The following C2CD5 variants were observed in gnomAD, a reference collection of about 807,000 sequenced individuals.
The protein encoded by C2CD5 is C2 domain-containing protein 5.
A neutral mutation model predicts 130.3 loss-of-function variants in C2CD5; 109 were observed. The observed-to-expected ratio is 0.84, with a 90% CI of 0.72 to 0.98. C2CD5 has a LOEUF of 0.98. C2CD5 is among the 50% of genes least tolerant of loss of function. The pLI, the probability that C2CD5 is intolerant of heterozygous loss-of-function variation, is 0.00. For missense variants in C2CD5, 996 were observed against 1,261.8 expected, an observed-to-expected ratio of 0.79 and a Z score of 3.19; for synonymous variants, 454 against 429.2, an observed-to-expected ratio of 1.06 and a Z score of -0.71.
At chr12:22,502,609 C>T (rs563882723) in intron 10 of C2CD5, 12 of 509,568 alleles carry the variant, frequency 2.4e-5, no homozygotes, top group African/African-American at 1.5e-4. Context: ...TTATTACATA[C>T]GTAGCACAGA....
chr12:22,460,511 A>C (rs558634219), intron 22 of C2CD5: 3 of 152,312 alleles, frequency 2.0e-5, no homozygotes, highest in African/African-American at 7.2e-5. Flanking sequence ...TTTGTACAGA[A>C]TGTTTCTACC....
chr12:22,484,154 G>A (rs1180417902), intron 13 of C2CD5, among the ~76,000 whole-genome samples: 1 of 152,044 alleles, frequency 6.6e-6, no homozygotes, highest in Non-Finnish European at 1.5e-5. Flanking sequence ...GAATTTCAAG[G>A]CGAAAATAAT....
At chr12:22,471,301 T>C in intron 20 of C2CD5, 98 bp downstream of exon 20, 2 of 698,114 alleles carry the variant, frequency 2.9e-6, no homozygotes, top group East Asian at 2.7e-5. Context: ...GGTAAACTAG[T>C]ATATGTTTAT....
chr12:22,486,522 C>T (rs1945544623), intron 12 of C2CD5, among the ~76,000 whole-genome samples: 1 of 152,100 alleles, frequency 6.6e-6, no homozygotes, highest in East Asian at 1.9e-4. Context: ...AATACAACTG[C>T]TGAGGACTAG....
In C2CD5 at chr12:22,482,005, G is replaced by C. The variant is rs116251921; in HGVS notation, c.1737+552C>G. ...CATTTATGATAAAGTTTAATTGTCT[G>C]TCCAATAGTGTCTCACATGTTTTGC... is the stretch of plus-strand genomic sequence containing the variant. On this transcript the variant is annotated intron_variant, in intron 14 of 26. Coordinates refer to ENST00000446597, the MANE Select transcript of C2CD5 (RefSeq NM_001286176.2). Among the ~76,000 whole-genome samples the C allele has an allele frequency of 1.9e-3, 291 of 152,012 alleles. 2 individuals carry two copies. The highest frequency in any genetic ancestry group is 6.8e-3 in the African/African-American group (281 of 41,476).
chr12:22,538,959 C>T (rs1379101166), intron 2 of C2CD5, among the ~76,000 whole-genome samples: 7 of 152,104 alleles, frequency 4.6e-5, no homozygotes, highest in Non-Finnish European at 8.8e-5. Flanking sequence ...TCCCCCTTTT[C>T]CTGCATTAAT....
At position 22,544,052 on chromosome 12, in the gene C2CD5, T is replaced by C. The variant is rs773613447; in HGVS notation, c.90+9A>G. 2 of 1,605,016 alleles carry C rather than the reference T, an allele frequency of 1.2e-6. No individual in the cohort carries two copies. The highest frequency in any genetic ancestry group is 1.7e-6 in the Non-Finnish European group (2 of 1,172,338). On this transcript the variant is annotated intron_variant, in intron 2 of 26. Coordinates refer to ENST00000446597, the MANE Select transcript of C2CD5 (RefSeq NM_001286176.2). ...CCCTGTGTTTTGAGGGGCAGGACCCTGCACCAACCTCCACGAAGGCATCAG... is the reference window on the plus strand; with the variant it reads ...CCCTGTGTTTTGAGGGGCAGGACCCCGCACCAACCTCCACGAAGGCATCAG...
rs1949378985 is a variant in C2CD5, at chr12:22,513,214, A to G, written c.1038+80T>C. 3 of 1,034,988 alleles carry G rather than the reference A, an allele frequency of 2.9e-6. No homozygotes were observed. The Admixed American group carries it at 5.6e-5, about 19-fold the overall frequency. The allele number at this position is 1,034,988 out of a possible 1,614,324, so 64.1% of individuals were successfully genotyped here. A position where few individuals can be genotyped will look rare whatever the true frequency, so the allele number is the denominator to read the frequency against. ...GATATGTAACCAAAACAGTTCATGA[A>G]AACATGCAAGTACATGGAAGCATAA... On this transcript the variant is annotated intron_variant, in intron 9 of 26. Transcript: ENST00000446597.
chr12:22,461,329 TGCAGG>T (rs1420869845), intron 22 of C2CD5, among the ~76,000 whole-genome samples: 1 of 152,154 alleles, frequency 6.6e-6, no homozygotes, highest in African/African-American at 2.4e-5. Context: ...TTTTTTAAAC[TGCAGG>T]GGAAAGAGGA....
intron 25 of C2CD5, among the ~76,000 whole-genome samples, 166 bp downstream of exon 25, chr12:22,456,805 T>C (rs1670477186): frequency 6.6e-6 from 1 of 152,188 alleles, no homozygotes; most frequent in African/African-American, 2.4e-5. Flanking sequence ...ATTCTTGTGA[T>C]AATCCTCGCT....
At chr12:22,453,737 T>C (rs1939204782) in intron 26 of C2CD5, among the ~76,000 whole-genome samples, 159 bp downstream of exon 26, 1 of 152,192 alleles carries the variant, frequency 6.6e-6, no homozygotes, top group African/African-American at 2.4e-5. Context: ...CTTGTGACTA[T>C]GTATGACCAT....
At chr12:22,491,162 C>T (rs67749063) in intron 11 of C2CD5, among the ~76,000 whole-genome samples, 24,193 of 152,066 alleles carry the variant, frequency 0.16, 3,836 homozygotes, top group African/African-American at 0.41. Flanking sequence ...TTTAAATACA[C>T]AGATGTTTTT....
intron 15 of C2CD5, among the ~76,000 whole-genome samples, chr12:22,475,523 G>A (rs1943716223): frequency 6.6e-6 from 1 of 152,096 alleles, no homozygotes. Flanking sequence ...AGATCACTAG[G>A]GGTTCTAAGT....
chr12:22,518,119 A>T lies in C2CD5; in HGVS notation c.819T>A (p.Asp273Glu), dbSNP rs1222371521. ...KEMKEIPFNE[D>E]PNPNTHSSGP... ...CTGATGAGTGAGTATTGGGATTGGG[A>T]TCTTCATTGAAGGGAATCCTGCCAG... Residue 273 changes from aspartate to glutamate, a missense_variant, in exon 8 of 27, where the codon GAT becomes GAA. Asp to Glu is a conservative substitution (Grantham distance 45). Coordinates refer to ENST00000446597, the MANE Select transcript of C2CD5 (RefSeq NM_001286176.2). The T allele has an allele frequency of 6.2e-7, 1 of 1,613,754 alleles. No individual in the cohort carries two copies. The highest frequency in any genetic ancestry group is 1.1e-5 in the South Asian group (1 of 91,084).
In C2CD5 at chr12:22,525,049, T is replaced by C. The variant is rs373636777; in HGVS notation, c.446-422A>G. 1.3e-4 allele frequency among the ~76,000 whole-genome samples: 20 copies of C among 152,336 alleles called. 2 individuals carry two copies. The highest frequency in any genetic ancestry group is 1.7e-4 in the African/African-American group (7 of 41,586). On this transcript the variant is annotated intron_variant, in intron 5 of 26. Coordinates refer to ENST00000446597, the MANE Select transcript of C2CD5 (RefSeq NM_001286176.2). ...TGTAAAAGTACTTCTGTACACCACATAGCAGTTTCAAAAATCAAACCATTA... is the reference window on the plus strand; with the variant it reads ...TGTAAAAGTACTTCTGTACACCACACAGCAGTTTCAAAAATCAAACCATTA...
At chr12:22,536,887 G>A (rs944890898) in intron 2 of C2CD5, among the ~76,000 whole-genome samples, 3 of 151,752 alleles carry the variant, frequency 2.0e-5, no homozygotes, top group East Asian at 1.9e-4. Flanking sequence ...AACTTAATGA[G>A]GAAAAAGGAA....
At chr12:22,527,379 C>A (rs1950824111) in intron 4 of C2CD5, among the ~76,000 whole-genome samples, 1 of 144,982 alleles carries the variant, frequency 6.9e-6, no homozygotes. Context: ...TTGCACAGGA[C>A]ACGATCTCAG....
chr12:22,463,649 A>G (rs1941578408), intron 22 of C2CD5: 2 of 152,174 alleles, frequency 1.3e-5, no homozygotes, highest in Admixed American at 6.5e-5. Context: ...TCACAGTAGT[A>G]CCAAACAAAC....
At chr12:22,484,388 A>C (rs1945178319) in intron 13 of C2CD5, 2 of 231,682 alleles carry the variant, frequency 8.6e-6, no homozygotes, top group Admixed American at 5.6e-5. Context: ...AATGTGTTAC[A>C]TATTGAATGT....
Sources: gnomAD v4.1 joint callset for allele counts (sites outside exome capture counted in the v4.1 genomes callset) on GRCh38, gnomAD v4.1.1 for gene constraint, MANE v1.5 for transcripts, NCBI Gene and HGNC (gene_info 2026-07-23, HGNC 2026-07-21) for gene names.